KRT71: variants seen among roughly 807,000 people sequenced by gnomAD.
KRT71 encodes the protein keratin 71.
A neutral mutation model predicts 46.2 loss-of-function variants in KRT71; 42 were observed. The observed-to-expected ratio is 0.91, with a 90% CI of 0.71 to 1.18. KRT71 has a LOEUF of 1.18. Ranked by LOEUF, KRT71 falls within the 50% of genes most tolerant of loss-of-function variation. The pLI, the probability that KRT71 is intolerant of heterozygous loss-of-function variation, is 0.00. For missense variants in KRT71, 708 were observed against 677.9 expected (o/e 1.04, Z -0.49); for synonymous variants, 292 against 277.8 (o/e 1.05, Z -0.51).
At position 52,553,044 on chromosome 12, in the gene KRT71, C is replaced by A; in HGVS notation, c.34G>T (p.Ala12Ser). 1.3e-6 allele frequency: 2 copies of A among 1,592,874 alleles called. No individual in the cohort carries two copies. Among genetic ancestry groups the A allele is most frequent in the South Asian group, 1.1e-5 (1 of 88,470 alleles). ...SRQFTCKSGAAAKGGFSGCSA... is the reference protein window; with the variant it reads ...SRQFTCKSGASAKGGFSGCSA... ...CAGCCACTGAAGCCCCCCTTGGCGG[C>A]AGCTCCCGACTTGCAGGTGAATTGG... Residue 12 changes from alanine to serine, a missense_variant, in exon 1 of 9, where the codon GCC becomes TCC. Transcript: ENST00000267119.
chr12:52,547,709 C>G, intron 6 of KRT71, 148 bp downstream of exon 6: 1 of 964,072 alleles, frequency 1.0e-6, no homozygotes, highest in Non-Finnish European at 1.5e-6. Flanking sequence ...CAGGGACGTC[C>G]TGCTCCAGGT....
chr12:52,547,341 G>T (rs1026108355), intron 6 of KRT71, among the ~76,000 whole-genome samples: 1 of 152,206 alleles, frequency 6.6e-6, no homozygotes, highest in Non-Finnish European at 1.5e-5. Context: ...AGCCGAGGCT[G>T]CATCCTATAT....
In KRT71 at chr12:52,550,138, C is replaced by T. The variant is rs756910998; in HGVS notation, c.547G>A (p.Gly183Ser). 6.2e-7 allele frequency: 1 copy of T among 1,614,158 alleles called. No homozygotes were observed. The change falls in exon 2 of 9, where the codon GGC becomes AGC. Residue 183 changes from glycine to serine, a missense_variant. Transcript: ENST00000267119. ...CKNNLEPILEGYISNLRKQLE... is the reference protein window; with the variant it reads ...CKNNLEPILESYISNLRKQLE... ...TGCTTCCGCAGGTTGCTGATGTAGC[C>T]CTCGAGGATGGGCTCCAGGTTGTTC...
chr12:52,552,625 T>C lies in KRT71; in HGVS notation c.441+12A>G, dbSNP rs1480550029. ...GGCTGTTCACAAGTTCCCCAGGCCC[T>C]AGAAGACCCACCTTGTCGATGAAGG... On this transcript the variant is annotated intron_variant, in intron 1 of 8. Transcript: ENST00000267119. 2 of 1,603,870 alleles carry C rather than the reference T, an allele frequency of 1.2e-6. No individual in the cohort carries two copies. The highest frequency in any genetic ancestry group is 1.7e-6 in the Non-Finnish European group (2 of 1,175,190).
intron 6 of KRT71, 40 bp from the exon 7 acceptor site, chr12:52,546,546 C>T (rs1407289549): frequency 6.3e-7 from 1 of 1,585,764 alleles, no homozygotes; most frequent in African/African-American, 1.3e-5. Flanking sequence ...TTTGGAGGAG[C>T]CACTGCAACC....
At chr12:52,548,593 CTG>C in intron 4 of KRT71, 106 bp downstream of exon 4, 1 of 990,244 alleles carries the variant, frequency 1.0e-6, no homozygotes, top group Non-Finnish European at 1.6e-6. Flanking sequence ...GGTTGGCTAA[CTG>C]AGGGGTCTCA....
intron 1 of KRT71, 97 bp from the exon 2 acceptor site, chr12:52,550,340 C>T: frequency 1.4e-6 from 2 of 1,407,102 alleles, no homozygotes. Flanking sequence ...GCATTTTCTC[C>T]TCAATAGAGC....
chr12:52,547,335 G>A (rs1027343671), intron 6 of KRT71, among the ~76,000 whole-genome samples: 9 of 152,186 alleles, frequency 5.9e-5, no homozygotes, highest in Non-Finnish European at 1.0e-4. Context: ...CCTACAAGCC[G>A]AGGCTGCATC....
intron 8 of KRT71, 72 bp from the exon 9 acceptor site, chr12:52,544,815 CAG>C: frequency 7.4e-7 from 1 of 1,346,740 alleles, no homozygotes; most frequent in Non-Finnish European, 1.0e-6. Flanking sequence ...CCAGGGCAGA[CAG>C]GGCTTTTCTT....
intron 4 of KRT71, 25 bp from the exon 5 acceptor site, chr12:52,548,341 C>T: frequency 6.3e-7 from 1 of 1,585,688 alleles, no homozygotes; most frequent in Non-Finnish European, 8.6e-7. Flanking sequence ...GAAATGGTCT[C>T]TCGGCTCAAC....
rs1294530743 is a variant in KRT71, at chr12:52,549,310, A to T, written c.700T>A (p.Phe234Ile). The T allele has an allele frequency of 1.9e-6, 3 of 1,613,350 alleles. No homozygotes were observed. Among genetic ancestry groups the T allele is most frequent in the Non-Finnish European group, 2.5e-6 (3 of 1,179,804 alleles). Reference protein sequence around the residue: ...INKRTAAENEFVLLKKDVDAA... With the variant: ...INKRTAAENEIVLLKKDVDAA... ...CCCCTCACCTTCTTGAGCAGCACAA[A>T]CTCGTTCTCTGCTGCTGTCCGCTTG... is the stretch of plus-strand genomic sequence containing the variant. The change falls in exon 3 of 9, where the codon TTT (phenylalanine) becomes ATT (isoleucine). Residue 234 changes from phenylalanine (F) to isoleucine (I), a missense_variant. Phe to Ile is a conservative substitution (Grantham distance 21, BLOSUM62 0). Coordinates refer to ENST00000267119, the MANE Select transcript of KRT71 (RefSeq NM_033448.3).
Position 52,549,172 on chromosome 12 carries a change from C to T in KRT71, c.717+121G>A, listed in dbSNP as rs1939115690. The T allele has an allele frequency of 4.9e-6, 4 of 812,504 alleles. No homozygotes were observed. The Admixed American group carries it at 6.9e-5, about 14-fold the overall frequency. The allele number at this position is 812,504 out of a possible 1,614,324, so 50.3% of individuals were successfully genotyped here. ...ATAGTCTTTCATCAAGTTTTCTCTG[C>T]CTTCACCTTGCTCTTCCTGAATCAG... On this transcript the variant is annotated intron_variant, in intron 3 of 8. Transcript: ENST00000267119.
chr12:52,550,457 G>A (rs1237317004), intron 1 of KRT71, among the ~76,000 whole-genome samples: 4 of 152,328 alleles, frequency 2.6e-5, no homozygotes, highest in African/African-American at 4.8e-5. Context: ...GGTGGAGCCC[G>A]GAACTGAATC....
At chr12:52,545,082 G>A (rs1249586607) in intron 8 of KRT71, among the ~76,000 whole-genome samples, 4 of 152,082 alleles carry the variant, frequency 2.6e-5, no homozygotes, top group Non-Finnish European at 5.9e-5. Context: ...TCTTCCTCCT[G>A]CTAGCTGTCC....
At chr12:52,552,037 C>T (rs919889670) in intron 1 of KRT71, among the ~76,000 whole-genome samples, 1 of 152,196 alleles carries the variant, frequency 6.6e-6, no homozygotes, top group African/African-American at 2.4e-5. Context: ...TTATTATCTC[C>T]ATTTTAGAGA....
chr12:52,552,560 T>C, intron 1 of KRT71, 77 bp downstream of exon 1: 2 of 1,442,660 alleles, frequency 1.4e-6, no homozygotes, highest in Admixed American at 4.2e-5. Flanking sequence ...CAATCTCTCC[T>C]GCTGTAACAA....
At chr12:52,548,839 C>G (rs1939107950) in intron 3 of KRT71, 43 bp from the exon 4 acceptor site, 6 of 1,560,274 alleles carry the variant, frequency 3.8e-6, no homozygotes, top group Non-Finnish European at 5.3e-6. Context: ...CTGGTACAGC[C>G]AAAAAGGCAG....
intron 1 of KRT71, among the ~76,000 whole-genome samples, chr12:52,551,228 G>A (rs114362337): frequency 3.7e-4 from 57 of 152,298 alleles, no homozygotes; most frequent in African/African-American, 1.3e-3. Flanking sequence ...GGCTGCCTGA[G>A]GTTAAGGGAC....
chr12:52,549,896 G>T (rs1026792101), intron 2 of KRT71, 133 bp downstream of exon 2: 4 of 1,009,394 alleles, frequency 4.0e-6, no homozygotes, highest in Non-Finnish European at 5.9e-6. Flanking sequence ...TTTTGTTGGG[G>T]TGATTCTGCT....
Sources: allele counts gnomAD v4.1 joint callset (sites outside exome capture counted in the v4.1 genomes callset), GRCh38; gene constraint gnomAD v4.1.1; transcripts MANE v1.5; gene names NCBI Gene and HGNC (gene_info 2026-07-23, HGNC 2026-07-21).